The following FHIT variants were observed in gnomAD, a reference collection of about 807,000 sequenced individuals.
The protein encoded by FHIT is bis(5'-adenosyl)-triphosphatase.
In FHIT, 19 loss-of-function variants were observed where a neutral mutation model predicts 17.9. That is an observed-to-expected ratio of 1.06 (90% CI 0.74 to 1.56). FHIT has a LOEUF of 1.56. FHIT is among the 40% of genes most tolerant of loss of function. The probability of loss-of-function intolerance (pLI) is 0.00; values close to 1 mark genes in which losing one functional copy is unlikely to be tolerated. For missense variants in FHIT, 248 were observed against 189.2 expected (o/e 1.31, Z -1.82); for synonymous variants, 81 against 69.7 (o/e 1.16, Z -0.81).
intron 8 of FHIT, among the ~76,000 whole-genome samples, chr3:59,787,413 A>ATG (rs1282452354): frequency 4.8e-5 from 7 of 144,374 alleles, no homozygotes; most frequent in African/African-American, 1.8e-4. Context: ...ATGGGAAGTC[A>ATG]CGTCCTCATG....
At chr3:61,201,070 A>G (rs1017358571) in intron 1 of FHIT, among the ~76,000 whole-genome samples, 31 of 152,208 alleles carry the variant, frequency 2.0e-4, no homozygotes, top group African/African-American at 7.2e-4. Context: ...TTTCTCTGAA[A>G]AAGTTTCACT....
chr3:59,784,763 A>G (rs1702760708), intron 8 of FHIT, among the ~76,000 whole-genome samples: 1 of 152,210 alleles, frequency 6.6e-6, no homozygotes, highest in African/African-American at 2.4e-5. Context: ...AGAAAAGAAC[A>G]AGCCTCAGGC....
chr3:60,659,929 G>T (rs1436097584), intron 4 of FHIT, among the ~76,000 whole-genome samples: 2 of 152,066 alleles, frequency 1.3e-5, no homozygotes, highest in African/African-American at 4.8e-5. Context: ...CTTCCCCAGG[G>T]TTTGCTTTTT....
intron 5 of FHIT, among the ~76,000 whole-genome samples, chr3:60,190,724 C>T (rs895596506): frequency 2.6e-5 from 4 of 152,114 alleles, no homozygotes; most frequent in African/African-American, 9.6e-5. Context: ...TGTAACTAAC[C>T]TGCACATTGT....
intron 4 of FHIT, among the ~76,000 whole-genome samples, chr3:60,762,159 C>T (rs1699679106): frequency 6.6e-6 from 1 of 152,138 alleles, no homozygotes; most frequent in South Asian, 2.1e-4. Context: ...TGGATGATGC[C>T]ACCACTTGCC....
In FHIT at chr3:60,719,945, C is replaced by T. The variant is rs78754286; in HGVS notation, c.-18+101974G>A. Among the ~76,000 whole-genome samples, 825 of 152,270 alleles carry T rather than the reference C, an allele frequency of 5.4e-3. 10 individuals are homozygous for T. Among genetic ancestry groups the T allele is most frequent in the African/African-American group, 0.019 (795 of 41,558 alleles). On this transcript the variant is annotated intron_variant, in intron 4 of 9. Transcript: ENST00000492590. ...CATTACAATGCATCTCCTCTTGCTT[C>T]CTTCTATTCTGTTTCACTTACTGCA... is the stretch of plus-strand genomic sequence containing the variant.
At chr3:60,217,570 T>C (rs1703755834) in intron 5 of FHIT, among the ~76,000 whole-genome samples, 1 of 151,730 alleles carries the variant, frequency 6.6e-6, no homozygotes, top group South Asian at 2.1e-4. Context: ...ATCCAATCAG[T>C]GGTCCCCCTT....
At chr3:61,212,211 A>G (rs1231183661) in intron 1 of FHIT, among the ~76,000 whole-genome samples, 2 of 152,240 alleles carry the variant, frequency 1.3e-5, no homozygotes, top group Non-Finnish European at 2.9e-5. Context: ...TCCGAGCTAA[A>G]GGAGGAAATT....
At chr3:60,031,180 T>C (rs79549595) in intron 5 of FHIT, among the ~76,000 whole-genome samples, 23,157 of 151,930 alleles carry the variant, frequency 0.15, 2,231 homozygotes, top group Middle Eastern at 0.29. Flanking sequence ...TCTCAGATTG[T>C]GAATGCAAGT....
At chr3:60,532,642 G>A (rs1403742384) in intron 5 of FHIT, among the ~76,000 whole-genome samples, 1 of 152,146 alleles carries the variant, frequency 6.6e-6, no homozygotes, top group Non-Finnish European at 1.5e-5. Context: ...TTGCACCACA[G>A]AAGCCAAAGC....
intron 5 of FHIT, among the ~76,000 whole-genome samples, chr3:60,326,223 A>G (rs141050771): frequency 6.6e-5 from 10 of 152,168 alleles, no homozygotes; most frequent in Non-Finnish European, 1.2e-4. Flanking sequence ...TATTTATATT[A>G]TTATTACATT....
chr3:60,963,260 G>A (rs1312710727), intron 3 of FHIT, among the ~76,000 whole-genome samples: 4 of 152,112 alleles, frequency 2.6e-5, no homozygotes, highest in Admixed American at 1.3e-4. Context: ...ATATTTCTGT[G>A]GGATCAGTGG....
intron 5 of FHIT, among the ~76,000 whole-genome samples, chr3:60,379,097 A>G (rs2687163): frequency 0.064 from 9,697 of 152,294 alleles, 1,060 homozygotes; most frequent in African/African-American, 0.22. Context: ...ATGAGAGCAC[A>G]TTACTACTAT....
chr3:61,026,391 T>C lies in FHIT; in HGVS notation c.-111+15656A>G, dbSNP rs182714034. On this transcript the variant is annotated intron_variant, in intron 3 of 9. Transcript: ENST00000492590. Reference sequence around the variant, plus strand: ...CTCTTCTATAGAACGACAATAATAATGGTACTCACAAGAAGTCAAGAAGAA... The same window carrying C: ...CTCTTCTATAGAACGACAATAATAACGGTACTCACAAGAAGTCAAGAAGAA... 3.3e-5 allele frequency among the ~76,000 whole-genome samples: 5 copies of C among 152,220 alleles called. No individual in the cohort carries two copies. The East Asian group carries it at 5.8e-4, about 18-fold the overall frequency.
At chr3:61,241,923 ACTCTTTTTCC>A (rs1246143578) in intron 1 of FHIT, among the ~76,000 whole-genome samples, 1 of 152,050 alleles carries the variant, frequency 6.6e-6, no homozygotes, top group Non-Finnish European at 1.5e-5. Context: ...TGGCAAAAAC[ACTCTTTTTCC>A]CACCCTTTCT....
At chr3:60,850,408 G>A (rs1293755018) in intron 3 of FHIT, among the ~76,000 whole-genome samples, 2 of 138,232 alleles carry the variant, frequency 1.4e-5, no homozygotes, top group Non-Finnish European at 3.1e-5. Context: ...CAGCTCTAAT[G>A]TTATCTCTTC....
intron 5 of FHIT, among the ~76,000 whole-genome samples, chr3:60,507,749 C>G (rs2034792442): frequency 6.6e-6 from 1 of 152,110 alleles, no homozygotes; most frequent in African/African-American, 2.4e-5. Flanking sequence ...CATTTAACTC[C>G]CACTTATAAG....
intron 9 of FHIT, chr3:59,751,418 T>C (rs1700891819): frequency 1.0e-5 from 2 of 194,538 alleles, no homozygotes; most frequent in Non-Finnish European, 2.1e-5. Flanking sequence ...CTTTAACACT[T>C]TTTGTTTACA....
intron 3 of FHIT, among the ~76,000 whole-genome samples, chr3:60,822,771 C>G (rs782474571): frequency 2.0e-5 from 3 of 152,074 alleles, no homozygotes; most frequent in Non-Finnish European, 4.4e-5. Flanking sequence ...CATGACCCAC[C>G]TTACTTGCAG....
Sources: allele counts gnomAD v4.1 joint callset (sites outside exome capture counted in the v4.1 genomes callset), GRCh38; gene constraint gnomAD v4.1.1; transcripts MANE v1.5; gene names NCBI Gene and HGNC (gene_info 2026-07-23, HGNC 2026-07-21).